Variants in L1TD1 observed in about 807,000 individuals in gnomAD.
L1TD1 encodes the protein LINE-1 type transposase domain-containing protein 1.
A neutral mutation model predicts 25.7 loss-of-function variants in L1TD1; 26 were observed. That is an observed-to-expected ratio of 1.01 (90% CI 0.74 to 1.40). L1TD1 has a LOEUF of 1.40. Among genes scored for constraint, L1TD1 ranks in the 40% most tolerant of loss-of-function variants. The pLI, the probability that L1TD1 is intolerant of heterozygous loss-of-function variation, is 0.00. For synonymous variants in L1TD1, 421 were observed against 335.6 expected (o/e 1.25, Z -2.78); for missense variants, 1,130 against 975.0 (o/e 1.16, Z -2.12).
Position 62,207,523 on chromosome 1 carries a change from C to T in L1TD1, c.895C>T (p.Leu299Phe). 1 of 1,551,286 alleles carries T rather than the reference C, an allele frequency of 6.4e-7. No individual in the cohort carries two copies. The change falls in exon 3 of 4, where the codon CTT becomes TTT. Residue 299 changes from leucine (L) to phenylalanine (F), a missense_variant. Coordinates refer to ENST00000498273, the MANE Select transcript of L1TD1 (RefSeq NM_019079.5). ...AAAGACATTTTCAGATCTGCAAAGC[C>T]TTAGAAAATTTGCCAGCCAAAAATC... ...EIKTFSDLQSLRKFASQKSSV... is the reference protein window; with the variant it reads ...EIKTFSDLQSFRKFASQKSSV...
intron 2 of L1TD1, among the ~76,000 whole-genome samples, chr1:62,202,881 C>T (rs1407779229): frequency 6.6e-6 from 1 of 151,944 alleles, no homozygotes; most frequent in Admixed American, 6.6e-5. Context: ...CAGGGTTTCA[C>T]CATGTTGGCC....
intron 2 of L1TD1, among the ~76,000 whole-genome samples, chr1:62,197,207 G>C (rs912455402): frequency 2.0e-5 from 3 of 151,342 alleles, no homozygotes; most frequent in African/African-American, 7.3e-5. Flanking sequence ...CCAACATGGC[G>C]AAACCCCATC....
At chr1:62,204,893 C>G (rs1191409569) in intron 2 of L1TD1, among the ~76,000 whole-genome samples, 5 of 152,074 alleles carry the variant, frequency 3.3e-5, no homozygotes, top group Non-Finnish European at 4.4e-5. Context: ...CCTCTTACCT[C>G]AGCCTCCCTT....
At position 62,211,526 on chromosome 1, in the gene L1TD1, A is replaced by G. The variant is rs1670871914; in HGVS notation, c.*154A>G. On this transcript the variant is annotated 3_prime_UTR_variant, in exon 4 of 4. Coordinates refer to ENST00000498273, the MANE Select transcript of L1TD1 (RefSeq NM_019079.5). ...AAGGAATATTACAGATATTACCTAG[A>G]TGTTAATAAAGGGTATGTTTAAAAA... 2 of 1,278,756 alleles carry G rather than the reference A, an allele frequency of 1.6e-6. No homozygotes were observed. The highest frequency in any genetic ancestry group is 1.0e-6 in the Non-Finnish European group (1 of 960,024). 79.2% of individuals were successfully genotyped at this position (1,278,756 alleles called of 1,614,324 possible). A position where few individuals can be genotyped will look rare whatever the true frequency, so the allele number is the denominator to read the frequency against.
rs1373825195 is a variant in L1TD1 at position 62,196,461 on chromosome 1, C to G, written c.-178C>G. ...CACCAAGGCACAGCTTAGAGTAGAC[C>G]CGAGTCCTGCTCTGCGGAGTTCGTC... On this transcript the variant is annotated 5_prime_UTR_variant, in exon 2 of 4. Transcript: ENST00000498273. The G allele has an allele frequency of 3.9e-5, 6 of 152,096 alleles. No individual in the cohort carries two copies. Among genetic ancestry groups the G allele is most frequent in the Non-Finnish European group, 7.3e-5 (5 of 68,058 alleles). The allele number at this position is 152,096 out of a possible 1,614,324, so 9.4% of individuals were successfully genotyped here. A position where few individuals can be genotyped will look rare whatever the true frequency, so the allele number is the denominator to read the frequency against.
chr1:62,210,123 C>T lies in L1TD1; in HGVS notation c.1349C>T (p.Thr450Ile). 2.5e-6 allele frequency: 4 copies of T among 1,613,944 alleles called. No individual in the cohort carries two copies. The highest frequency in any genetic ancestry group is 3.4e-6 in the Non-Finnish European group (4 of 1,180,014). The change falls in exon 4 of 4, where the codon ACT (threonine) becomes ATT (isoleucine). Residue 450 changes from threonine to isoleucine, a missense_variant. By Grantham distance (89) the Thr-to-Ile change is moderately conservative. Coordinates refer to ENST00000498273, the MANE Select transcript of L1TD1 (RefSeq NM_019079.5). ...SEQDSTFQGHTLVDAKHEVEI... is the reference protein window; with the variant it reads ...SEQDSTFQGHILVDAKHEVEI... ...CAGGACTCAACCTTTCAGGGTCATACTTTGGTAGATGCAAAGCATGAAGTT... is the reference window on the plus strand; with the variant it reads ...CAGGACTCAACCTTTCAGGGTCATATTTTGGTAGATGCAAAGCATGAAGTT...
At chr1:62,205,231 G>A (rs979362678) in intron 2 of L1TD1, among the ~76,000 whole-genome samples, 8 of 151,254 alleles carry the variant, frequency 5.3e-5, no homozygotes, top group East Asian at 4.0e-4. Context: ...CCAGCTACTC[G>A]GGAGGCTGAG....
chr1:62,200,363 G>A (rs1370522616), intron 2 of L1TD1, among the ~76,000 whole-genome samples: 4 of 152,116 alleles, frequency 2.6e-5, no homozygotes, highest in Non-Finnish European at 5.9e-5. Flanking sequence ...TAGAGACGGG[G>A]TTTCACCATG....
rs1451198542 is a variant in L1TD1, at chr1:62,206,949, T to C, written c.321T>C (p.Asn107=). The C allele has an allele frequency of 6.2e-7, 1 of 1,613,698 alleles. No homozygotes were observed. The highest frequency in any genetic ancestry group is 1.1e-5 in the South Asian group (1 of 90,998). The stretch of plus-strand genomic sequence containing the variant: ...GGACAGAGTTTCAGCAAATAATCAA[T>C]TTAGCATTACAAAAAACAGGGATGG... ...SSRTEFQQII[N]LALQKTGMVG... Residue 107 remains asparagine, a synonymous_variant, in exon 3 of 4, where the codon AAT becomes AAC. Transcript: ENST00000498273.
chr1:62,206,696 C>A lies in L1TD1; in HGVS notation c.68C>A (p.Thr23Asn), dbSNP rs1484418045. Residue 23 changes from threonine to asparagine, a missense_variant, in exon 3 of 4, where the codon ACC (threonine) becomes AAC (asparagine). Transcript: ENST00000498273. ...ARLAKKKENI[T>N]YMKREQLTET... is the part of the protein sequence containing the mutation. ...CTTGCAAAGAAAAAGGAAAATATCA[C>A]CTATATGAAAAGAGAGCAGTTAACA... 3 of 1,549,602 alleles carry A rather than the reference C, an allele frequency of 1.9e-6. No homozygotes were observed. In the Admixed American group the frequency reaches 5.9e-5, roughly 31 times the overall value.
At chr1:62,197,759 C>T (rs1670571381) in intron 2 of L1TD1, among the ~76,000 whole-genome samples, 1 of 151,896 alleles carries the variant, frequency 6.6e-6, no homozygotes, top group South Asian at 2.1e-4. Context: ...GCTTGTAGTC[C>T]CAGCTACTCG....
chr1:62,205,437 A>ATTTTT (rs1169759217), intron 2 of L1TD1, among the ~76,000 whole-genome samples: 21 of 42,430 alleles, frequency 4.9e-4, no homozygotes, highest in African/African-American at 1.1e-3. Flanking sequence ...ATATATATAT[A>ATTTTT]TATATATTTT....
intron 3 of L1TD1, among the ~76,000 whole-genome samples, chr1:62,208,713 A>G (rs1405921774): frequency 1.3e-5 from 2 of 152,148 alleles, no homozygotes; most frequent in African/African-American, 4.8e-5. Flanking sequence ...TCCTGGGCTC[A>G]AGCAGTCTAC....
chr1:62,207,395 T>C lies in L1TD1; in HGVS notation c.767T>C (p.Ile256Thr). 6.4e-7 allele frequency: 1 copy of C among 1,551,568 alleles called. No homozygotes were observed. The highest frequency in any genetic ancestry group is 8.7e-7 in the Non-Finnish European group (1 of 1,146,902). The part of the protein sequence containing the change: ...VADLSSATLD[I>T]SKQWSNVFNI... ...GACCTTTCATCAGCAACACTGGATA[T>C]TAGTAAGCAATGGAGTAATGTCTTC... The change falls in exon 3 of 4, where the codon ATT (isoleucine) becomes ACT (threonine). Residue 256 changes from isoleucine to threonine, a missense_variant. Coordinates refer to ENST00000498273, the MANE Select transcript of L1TD1 (RefSeq NM_019079.5).
At chr1:62,196,765 G>C (rs1670550949) in intron 2 of L1TD1, among the ~76,000 whole-genome samples, 1 of 152,052 alleles carries the variant, frequency 6.6e-6, no homozygotes, top group South Asian at 2.1e-4. Flanking sequence ...GCTAATTTTT[G>C]TATTTTTAGT....
At position 62,209,945 on chromosome 1, in the gene L1TD1, GCCTCAGGGATGGAGGATGATGAAGATA is replaced by G. The variant is rs1670825942; in HGVS notation, c.1180_1206del (p.Met394_Gly402del). ...CGAGCTAGAGGAGCTGGATGAAGAG[GCCTCAGGGATGGAGGATGATGAAGATA>G]CCTCAGGGCTGGAGGAGGAGGAGGA... On this transcript the variant is annotated inframe_deletion, in exon 4 of 4. Coordinates refer to ENST00000498273, the MANE Select transcript of L1TD1 (RefSeq NM_019079.5). 1 of 1,612,180 alleles carries G rather than the reference GCCTCAGGGATGGAGGATGATGAAGATA, an allele frequency of 6.2e-7. No individual in the cohort carries two copies. The highest frequency in any genetic ancestry group is 1.7e-5 in the Admixed American group (1 of 59,898).
chr1:62,197,397 T>TTTTATATATA (rs1269544269), intron 2 of L1TD1, among the ~76,000 whole-genome samples: 14 of 80,844 alleles, frequency 1.7e-4, no homozygotes, highest in East Asian at 8.3e-4. Context: ...AAAAAATAAA[T>TTTTATATATA]TATATATATA....
At chr1:62,205,423 A>C (rs777538717) in intron 2 of L1TD1, among the ~76,000 whole-genome samples, 2,445 of 38,902 alleles carry the variant, frequency 0.063, 123 homozygotes, top group East Asian at 0.17. Flanking sequence ...CTCTCTATAT[A>C]TATATATATA....
At chr1:62,198,237 G>A (rs1159667025) in intron 2 of L1TD1, among the ~76,000 whole-genome samples, 4 of 151,978 alleles carry the variant, frequency 2.6e-5, no homozygotes, top group Non-Finnish European at 5.9e-5. Context: ...GGAGACTGAG[G>A]TGAGAGGATC....
Sources: gnomAD v4.1 joint callset for allele counts (sites outside exome capture counted in the v4.1 genomes callset) on GRCh38, gnomAD v4.1.1 for gene constraint, MANE v1.5 for transcripts, NCBI Gene and HGNC (gene_info 2026-07-23, HGNC 2026-07-21) for gene names.